Variants in PRLR observed in about 807,000 individuals in gnomAD.
PRLR encodes the protein prolactin receptor, also known as hPRL receptor.
A neutral mutation model predicts 40.2 loss-of-function variants in PRLR; 13 were observed. The observed-to-expected ratio is 0.32, with a 90% CI of 0.21 to 0.51. The LOEUF (loss-of-function observed/expected upper bound fraction) is 0.51, where lower values mean the gene tolerates loss of function less well. PRLR is among the 20% of genes least tolerant of loss of function. The pLI, the probability that PRLR is intolerant of heterozygous loss-of-function variation, is 0.97. For synonymous variants in PRLR, 269 were observed against 278.7 expected (o/e 0.97, Z 0.35); for missense variants, 656 against 747.3 (o/e 0.88, Z 1.42).
chr5:35,187,395 C>T lies in PRLR; in HGVS notation c.-106+42873G>A, dbSNP rs1263502591. On this transcript the variant is annotated intron_variant, in intron 1 of 9. Coordinates refer to ENST00000618457, the MANE Select transcript of PRLR (RefSeq NM_000949.7). Reference sequence around the variant, plus strand: ...CAGCCTGGGTGACAGAGAGAAACTCCGTTTAAAAAAAAAAAAAAGAAGAAG... The same window carrying T: ...CAGCCTGGGTGACAGAGAGAAACTCTGTTTAAAAAAAAAAAAAAGAAGAAG... Among the ~76,000 whole-genome samples, 4 of 148,768 alleles carry T rather than the reference C, an allele frequency of 2.7e-5. No homozygotes were observed. In the East Asian group the frequency reaches 8.1e-4, roughly 30 times the overall value.
chr5:35,189,790 T>C (rs768244475), intron 1 of PRLR, among the ~76,000 whole-genome samples: 1 of 152,156 alleles, frequency 6.6e-6, no homozygotes, highest in Non-Finnish European at 1.5e-5. Context: ...AAATGGATTA[T>C]GAAGATTCCT....
intron 1 of PRLR, among the ~76,000 whole-genome samples, chr5:35,121,717 C>T (rs1773298345): frequency 6.6e-6 from 1 of 152,008 alleles, no homozygotes; most frequent in Non-Finnish European, 1.5e-5. Context: ...CTATTATTAC[C>T]CCTACTTTAT....
At chr5:35,190,971 A>G (rs1775584429) in intron 1 of PRLR, among the ~76,000 whole-genome samples, 1 of 151,370 alleles carries the variant, frequency 6.6e-6, no homozygotes, top group Non-Finnish European at 1.5e-5. Context: ...TGGGGATTTT[A>G]TACTATGATG....
chr5:35,065,055 C>A lies in PRLR; in HGVS notation c.*34G>T. ...TCTGTAGTGTTACCTGAAGAAAAAT[C>A]ACATTTTAACCAATCATTCCATTAG... On this transcript the variant is annotated 3_prime_UTR_variant, in exon 10 of 10. Transcript: ENST00000618457. 2 of 1,578,588 alleles carry A rather than the reference C, an allele frequency of 1.3e-6. No homozygotes were observed. Among genetic ancestry groups the A allele is most frequent in the South Asian group, 1.2e-5 (1 of 84,450 alleles).
At chr5:35,194,679 C>T (rs193280231) in intron 1 of PRLR, among the ~76,000 whole-genome samples, 56 of 152,286 alleles carry the variant, frequency 3.7e-4, no homozygotes, top group Middle Eastern at 3.4e-3. Flanking sequence ...GAAAAGACTA[C>T]ATTCTGCATG....
chr5:35,076,694 A>T (rs981665752), intron 5 of PRLR, among the ~76,000 whole-genome samples: 4 of 152,216 alleles, frequency 2.6e-5, no homozygotes, highest in African/African-American at 9.6e-5. Flanking sequence ...AATACAGAGA[A>T]TGCCACAAAG....
At chr5:35,214,458 C>T (rs567026003) in intron 1 of PRLR, among the ~76,000 whole-genome samples, 8 of 152,206 alleles carry the variant, frequency 5.3e-5, no homozygotes, top group South Asian at 2.1e-4. Context: ...AAGGGGCAAA[C>T]GCATTGAGGA....
In PRLR at chr5:35,063,805, A is replaced by G. The variant is rs1579556201; in HGVS notation, c.*1284T>C. ...ATGGTAGCTTTAGGAAGATTCACCCATTGATGAACAGGAGTCCCAGAGGAG... is the reference window on the plus strand; with the variant it reads ...ATGGTAGCTTTAGGAAGATTCACCCGTTGATGAACAGGAGTCCCAGAGGAG... On this transcript the variant is annotated 3_prime_UTR_variant, in exon 10 of 10. Transcript: ENST00000618457. 2 of 152,214 alleles carry G rather than the reference A, an allele frequency of 1.3e-5. No individual in the cohort carries two copies. The highest frequency in any genetic ancestry group is 2.4e-5 in the African/African-American group (1 of 41,464). The allele number at this position is 152,214 out of a possible 1,614,324, so 9.4% of individuals were successfully genotyped here. A position where few individuals can be genotyped will look rare whatever the true frequency, so the allele number is the denominator to read the frequency against.
At chr5:35,216,282 T>A (rs558885831) in intron 1 of PRLR, among the ~76,000 whole-genome samples, 2 of 152,342 alleles carry the variant, frequency 1.3e-5, no homozygotes, top group African/African-American at 4.8e-5. Flanking sequence ...AAGTGCTCAT[T>A]TATTGAACTA....
At chr5:35,160,076 A>G (rs1774631537) in intron 1 of PRLR, among the ~76,000 whole-genome samples, 1 of 152,216 alleles carries the variant, frequency 6.6e-6, no homozygotes, top group South Asian at 2.1e-4. Flanking sequence ...CAATTCTCTC[A>G]TGGGCTCAGA....
chr5:35,051,110 G>A (rs1051846345), downstream of PRLR, among the ~76,000 whole-genome samples: 17 of 152,238 alleles, frequency 1.1e-4, no homozygotes, highest in East Asian at 1.9e-3. Flanking sequence ...ATGTCTCATC[G>A]GAATTATTGG....
chr5:35,109,008 C>T (rs1030360796), intron 2 of PRLR, among the ~76,000 whole-genome samples: 1 of 152,126 alleles, frequency 6.6e-6, no homozygotes. Context: ...GGTACTAGTA[C>T]CAAAACAGAA....
At position 35,192,533 on chromosome 5, in the gene PRLR, T is replaced by G. The variant is rs74457239; in HGVS notation, c.-106+37735A>C. On this transcript the variant is annotated intron_variant, in intron 1 of 9. Transcript: ENST00000618457. ...GAAAGTCAGGGAGAAAAAGTGTGAA[T>G]GGGAGGATTTGGGAGGTGTGAGAGT... 5.8e-3 allele frequency among the ~76,000 whole-genome samples: 876 copies of G among 152,270 alleles called. 17 individuals are homozygous for G. The highest frequency in any genetic ancestry group is 0.02 in the African/African-American group (835 of 41,552).
At chr5:35,219,703 T>C (rs1181671284) in intron 1 of PRLR, among the ~76,000 whole-genome samples, 1 of 152,206 alleles carries the variant, frequency 6.6e-6, no homozygotes, top group African/African-American at 2.4e-5. Flanking sequence ...GCCATCAGAA[T>C]AGTCTTACGA....
At chr5:35,109,965 C>T (rs559082219) in intron 2 of PRLR, among the ~76,000 whole-genome samples, 128 of 152,312 alleles carry the variant, frequency 8.4e-4, no homozygotes, top group Non-Finnish European at 1.4e-3. Context: ...TTGGAGCCAA[C>T]CCAAATGTCC....
chr5:35,088,365 T>A (rs1770992100), intron 3 of PRLR, among the ~76,000 whole-genome samples: 1 of 152,132 alleles, frequency 6.6e-6, no homozygotes, highest in South Asian at 2.1e-4. Context: ...TTGTCATGAG[T>A]GGGGAGAAGT....
chr5:35,084,376 T>A (rs1422152825), intron 5 of PRLR, 94 bp downstream of exon 5: 20 of 1,215,840 alleles, frequency 1.6e-5, no homozygotes, highest in Non-Finnish European at 2.1e-5. Flanking sequence ...TTTTTGGGGA[T>A]CCATCCAAAA....
At chr5:35,082,428 C>A (rs1212648158) in intron 5 of PRLR, among the ~76,000 whole-genome samples, 1 of 152,174 alleles carries the variant, frequency 6.6e-6, no homozygotes, top group African/African-American at 2.4e-5. Context: ...GCATTTTGGA[C>A]TGGATATTTC....
intron 1 of PRLR, among the ~76,000 whole-genome samples, chr5:35,218,543 G>T (rs1183697673): frequency 1.3e-5 from 2 of 152,110 alleles, no homozygotes; most frequent in Admixed American, 6.5e-5. Flanking sequence ...TAAATCCCTT[G>T]TTGTTACTAT....
Sources: gnomAD v4.1 joint callset for allele counts (sites outside exome capture counted in the v4.1 genomes callset) on GRCh38, gnomAD v4.1.1 for gene constraint, MANE v1.5 for transcripts, NCBI Gene and HGNC (gene_info 2026-07-23, HGNC 2026-07-21) for gene names.